The following NLGN1 variants were observed in gnomAD, a reference collection of about 807,000 sequenced individuals.
NLGN1 encodes neuroligin 1.
Under a neutral mutation model 65.5 loss-of-function variants are expected in NLGN1, and 12 were observed. The observed-to-expected ratio is 0.18, with a 90% CI of 0.12 to 0.30. The LOEUF is 0.30. NLGN1 is among the 10% of genes least tolerant of loss of function. NLGN1 has a pLI of 1.00. For missense variants in NLGN1, 750 were observed against 1,007.1 expected (o/e 0.74, Z 3.46); for synonymous variants, 350 against 359.5 (o/e 0.97, Z 0.30).
At chr3:173,942,503 C>T (rs1428134508) in intron 4 of NLGN1, among the ~76,000 whole-genome samples, 1 of 152,078 alleles carries the variant, frequency 6.6e-6, no homozygotes, top group African/African-American at 2.4e-5. Context: ...CAGCATGTAT[C>T]CTGAGCTCAG....
intron 4 of NLGN1, among the ~76,000 whole-genome samples, chr3:173,923,190 T>G (rs1742374323): frequency 6.6e-6 from 1 of 151,942 alleles, no homozygotes; most frequent in Non-Finnish European, 1.5e-5. Context: ...AGCTAAGAGG[T>G]GGAAAAAAGT....
chr3:173,519,477 A>C (rs1234792937), intron 2 of NLGN1, among the ~76,000 whole-genome samples: 1 of 152,278 alleles, frequency 6.6e-6, no homozygotes, highest in African/African-American at 2.4e-5. Flanking sequence ...AAAGCCACAG[A>C]GGCAGAGCTG....
chr3:173,747,158 T>C (rs2150134533), intron 3 of NLGN1, among the ~76,000 whole-genome samples: 1 of 148,650 alleles, frequency 6.7e-6, no homozygotes, highest in East Asian at 2.0e-4. Context: ...TATATATGTG[T>C]GTCTGTTTTT....
chr3:173,633,538 C>G (rs1200513549), intron 3 of NLGN1, among the ~76,000 whole-genome samples: 1 of 152,070 alleles, frequency 6.6e-6, no homozygotes, highest in Admixed American at 6.6e-5. Flanking sequence ...ATTTGGTGGC[C>G]TAGAAGTTCA....
At chr3:173,792,570 T>C (rs768874899) in intron 3 of NLGN1, among the ~76,000 whole-genome samples, 1 of 152,028 alleles carries the variant, frequency 6.6e-6, no homozygotes, top group Non-Finnish European at 1.5e-5. Flanking sequence ...ATCAAACATA[T>C]GGAATAAAAT....
At chr3:174,081,427 C>G (rs6770356) in intron 4 of NLGN1, among the ~76,000 whole-genome samples, 1 of 151,738 alleles carries the variant, frequency 6.6e-6, no homozygotes, top group Admixed American at 6.6e-5. Context: ...CTTCCTGTTA[C>G]ATATAAGGTG....
At chr3:173,441,574 G>T (rs1719207783) in intron 2 of NLGN1, among the ~76,000 whole-genome samples, 1 of 152,132 alleles carries the variant, frequency 6.6e-6, no homozygotes, top group South Asian at 2.1e-4. Context: ...GGAAATGATG[G>T]TTAGTGGAGC....
chr3:174,170,272 C>T (rs1728274766), intron 4 of NLGN1, among the ~76,000 whole-genome samples: 1 of 151,524 alleles, frequency 6.6e-6, no homozygotes, highest in Non-Finnish European at 1.5e-5. Flanking sequence ...AAACATTTCC[C>T]ACCTCCTACA....
chr3:173,622,241 T>A (rs1754115509), intron 3 of NLGN1, among the ~76,000 whole-genome samples: 1 of 152,094 alleles, frequency 6.6e-6, no homozygotes, highest in Admixed American at 6.6e-5. Context: ...CAGACTCAGC[T>A]TGTTTTTTGA....
chr3:173,709,840 T>C (rs373587182), intron 3 of NLGN1, among the ~76,000 whole-genome samples: 121 of 146,838 alleles, frequency 8.2e-4, no homozygotes, highest in African/African-American at 2.9e-3. Context: ...AAGAACCATA[T>C]GCGCCAAATT....
intron 4 of NLGN1, among the ~76,000 whole-genome samples, chr3:174,270,151 A>T (rs1207612356): frequency 1.8e-5 from 2 of 112,288 alleles, no homozygotes; most frequent in Non-Finnish European, 1.9e-5. Flanking sequence ...TGATGTGCAG[A>T]TGTTTTGAAG....
chr3:174,144,711 C>A lies in NLGN1; in HGVS notation c.647-130604C>A, dbSNP rs374660912. Among the ~76,000 whole-genome samples the A allele has an allele frequency of 1.1e-4, 16 of 152,260 alleles. No homozygotes were observed. In the East Asian group the frequency reaches 3.1e-3, roughly 29 times the overall value. ...ATATGTTTGTTGGCCACATAAATAT[C>A]TTCTTTTGAGAAGTGTCTGTTCATA... On this transcript the variant is annotated intron_variant, in intron 4 of 6. Transcript: ENST00000457714.
chr3:173,538,154 G>A (rs535137282), intron 2 of NLGN1, among the ~76,000 whole-genome samples: 5 of 152,210 alleles, frequency 3.3e-5, no homozygotes, highest in East Asian at 1.9e-4. Flanking sequence ...TCCCAGACCC[G>A]TGAATCCTGG....
chr3:173,907,971 C>T (rs1037450451), intron 4 of NLGN1, among the ~76,000 whole-genome samples: 7 of 152,226 alleles, frequency 4.6e-5, no homozygotes, highest in Non-Finnish European at 7.3e-5. Context: ...CCACATGCCT[C>T]GGCCTCCCAA....
At chr3:173,672,556 G>A (rs962498345) in intron 3 of NLGN1, among the ~76,000 whole-genome samples, 10 of 152,140 alleles carry the variant, frequency 6.6e-5, no homozygotes, top group Admixed American at 3.3e-4. Flanking sequence ...CAGTACAATG[G>A]GGATGCTGGT....
chr3:174,213,556 C>A (rs1417740392), intron 4 of NLGN1, among the ~76,000 whole-genome samples: 2 of 151,894 alleles, frequency 1.3e-5, no homozygotes, highest in Non-Finnish European at 2.9e-5. Flanking sequence ...AAAACAATAA[C>A]CTTTGTGGTT....
intron 2 of NLGN1, among the ~76,000 whole-genome samples, chr3:173,520,971 A>T (rs891773288): frequency 6.6e-6 from 1 of 152,210 alleles, no homozygotes; most frequent in Non-Finnish European, 1.5e-5. Flanking sequence ...GTTAGCAGGC[A>T]TAATAAGGCT....
At chr3:173,856,638 C>T (rs1217950929) in intron 4 of NLGN1, among the ~76,000 whole-genome samples, 1 of 151,952 alleles carries the variant, frequency 6.6e-6, no homozygotes, top group Non-Finnish European at 1.5e-5. Flanking sequence ...AATTCAAAAC[C>T]AAATCTGGGA....
chr3:173,833,247 A>G (rs1043341368), intron 4 of NLGN1, among the ~76,000 whole-genome samples: 2 of 152,152 alleles, frequency 1.3e-5, no homozygotes, highest in African/African-American at 4.8e-5. Flanking sequence ...AAACCCTTTT[A>G]CTGTGTATTT....
Sources: allele counts gnomAD v4.1 joint callset (sites outside exome capture counted in the v4.1 genomes callset), GRCh38; gene constraint gnomAD v4.1.1; transcripts MANE v1.5; gene names NCBI Gene and HGNC (gene_info 2026-07-23, HGNC 2026-07-21).